The following LIMCH1 variants were observed in gnomAD, a reference collection of about 807,000 sequenced individuals.
The protein encoded by LIMCH1 is LIM and calponin homology domains-containing protein 1.
Under a neutral mutation model 176.5 loss-of-function variants are expected in LIMCH1, and 113 were observed. The ratio of observed to expected loss-of-function variants is 0.64; its 90% CI spans 0.55 to 0.75. LIMCH1 has a LOEUF of 0.75. Among genes scored for constraint, LIMCH1 ranks in the 30% least tolerant of loss-of-function variants. The pLI is 0.00. For missense variants in LIMCH1, 1,674 were observed against 1,814.9 expected (o/e 0.92, Z 1.41); for synonymous variants, 619 against 645.9 (o/e 0.96, Z 0.63).
At chr4:41,606,095 G>C (rs562826388) in intron 4 of LIMCH1, 91 bp downstream of exon 4, 3 of 842,256 alleles carry the variant, frequency 3.6e-6, no homozygotes, top group East Asian at 5.4e-5. Flanking sequence ...AGAGTACTGG[G>C]TTGTGGAATG....
intron 1 of LIMCH1, among the ~76,000 whole-genome samples, chr4:41,462,528 G>C (rs1189348496): frequency 6.6e-6 from 1 of 152,154 alleles, no homozygotes; most frequent in Non-Finnish European, 1.5e-5. Flanking sequence ...GAGAGCACTT[G>C]GCATAGAAAA....
intron 1 of LIMCH1, among the ~76,000 whole-genome samples, chr4:41,553,335 A>C (rs976911171): frequency 6.6e-6 from 1 of 152,180 alleles, no homozygotes; most frequent in Non-Finnish European, 1.5e-5. Flanking sequence ...GTGCTGTGGG[A>C]ACATAGAGGA....
chr4:41,649,313 T>G (rs549358246), intron 17 of LIMCH1, among the ~76,000 whole-genome samples: 4 of 152,104 alleles, frequency 2.6e-5, no homozygotes, highest in Non-Finnish European at 5.9e-5. Context: ...GGCATGAGAA[T>G]TGCTTGAACC....
chr4:41,428,886 C>G (rs1437790043), intron 1 of LIMCH1, among the ~76,000 whole-genome samples: 2 of 152,234 alleles, frequency 1.3e-5, no homozygotes, highest in African/African-American at 4.8e-5. Context: ...CAGTCGCTCA[C>G]TGCTGCCTGA....
At chr4:41,454,756 G>T (rs1235233351) in intron 1 of LIMCH1, among the ~76,000 whole-genome samples, 3 of 152,228 alleles carry the variant, frequency 2.0e-5, no homozygotes, top group African/African-American at 4.8e-5. Flanking sequence ...GAAAGCACTT[G>T]TGAATCTGAT....
At chr4:41,579,318 C>G (rs1278523618) in intron 1 of LIMCH1, among the ~76,000 whole-genome samples, 1 of 152,156 alleles carries the variant, frequency 6.6e-6, no homozygotes, top group Non-Finnish European at 1.5e-5. Context: ...CATAATGTCA[C>G]CACTTCTGAT....
chr4:41,687,594 C>G (rs915804821), intron 28 of LIMCH1, among the ~76,000 whole-genome samples: 22 of 151,900 alleles, frequency 1.4e-4, no homozygotes, highest in Admixed American at 1.4e-3. Flanking sequence ...CTTTTCTGTT[C>G]AGCAATGCCA....
At chr4:41,648,658 G>GGGGTGTGTGTGTGTGTGTGTGT (rs1554153123) in intron 17 of LIMCH1, among the ~76,000 whole-genome samples, 3 of 135,334 alleles carry the variant, frequency 2.2e-5, no homozygotes, top group African/African-American at 8.4e-5. Flanking sequence ...AAGGGGTAGG[G>GGGGTGTGTGTGTGTGTGTGTGT]GTGTGTGTGT....
intron 2 of LIMCH1, among the ~76,000 whole-genome samples, chr4:41,504,760 A>G (rs77384704): frequency 0.038 from 5,841 of 152,290 alleles, 139 homozygotes; most frequent in Middle Eastern, 0.054. Flanking sequence ...TTTTGTTACT[A>G]TCTAAGGACA....
chr4:41,446,440 A>G (rs544181561), intron 1 of LIMCH1, among the ~76,000 whole-genome samples: 89 of 152,344 alleles, frequency 5.8e-4, no homozygotes, highest in African/African-American at 2.0e-3. Flanking sequence ...TACGTAGTTA[A>G]TGGAACCATA....
At chr4:41,677,558 A>C (rs981797233) in intron 23 of LIMCH1, among the ~76,000 whole-genome samples, 2 of 152,238 alleles carry the variant, frequency 1.3e-5, no homozygotes, top group Admixed American at 1.3e-4. Flanking sequence ...TCAAAAGGTA[A>C]CCTAGCAACC....
intron 7 of LIMCH1, among the ~76,000 whole-genome samples, chr4:41,623,927 T>G (rs910979004): frequency 6.6e-5 from 10 of 152,190 alleles, no homozygotes; most frequent in Non-Finnish European, 1.2e-4. Flanking sequence ...AGTTTAATAT[T>G]TATTAGAGTT....
chr4:41,371,394 A>G (rs1176763312), intron 1 of LIMCH1, among the ~76,000 whole-genome samples: 2 of 152,130 alleles, frequency 1.3e-5, no homozygotes, highest in Non-Finnish European at 2.9e-5. Flanking sequence ...AGCCCAATGA[A>G]CCATCATCAG....
rs940800433 is a variant in LIMCH1, at chr4:41,558,125, C to T, written c.-241+19775C>T. 2.6e-5 allele frequency among the ~76,000 whole-genome samples: 4 copies of T among 152,026 alleles called. No homozygotes were observed. The East Asian group carries it at 7.7e-4, about 29-fold the overall frequency. On this transcript the variant is annotated intron_variant, in intron 1 of 31. Coordinates refer to ENST00000503057, the MANE Select transcript of LIMCH1 (RefSeq NM_001330672.2). ...AATAAAGCTGCTCCGTATACATCAGCCCAAGTAGCAGCCACCCATAAACGG... is the reference window on the plus strand; with the variant it reads ...AATAAAGCTGCTCCGTATACATCAGTCCAAGTAGCAGCCACCCATAAACGG...
chr4:41,646,555 C>T lies in LIMCH1; in HGVS notation c.2482C>T (p.Leu828Phe). The T allele has an allele frequency of 6.2e-7, 1 of 1,614,160 alleles. No homozygotes were observed. ...ARSQEEAEGI[L>F]QQYIERFTIS... ...GTCCCAGGAGGAGGCAGAGGGGATCCTTCAACAGTACATTGAGAGGTTCAC... is the reference window on the plus strand; with the variant it reads ...GTCCCAGGAGGAGGCAGAGGGGATCTTTCAACAGTACATTGAGAGGTTCAC... Residue 828 changes from leucine to phenylalanine, a missense_variant, in exon 17 of 32, where the codon CTT (leucine) becomes TTT (phenylalanine). Transcript: ENST00000503057.
At position 41,699,739 on chromosome 4, in the gene LIMCH1, T is replaced by C. The variant is rs2153108763; in HGVS notation, c.*2554T>C. 1 of 152,316 alleles carries C rather than the reference T, an allele frequency of 6.6e-6. No homozygotes were observed. The highest frequency in any genetic ancestry group is 1.9e-4 in the East Asian group (1 of 5,186). The allele number at this position is 152,316 out of a possible 1,614,324, so 9.4% of individuals were successfully genotyped here. A position where few individuals can be genotyped will look rare whatever the true frequency, so the allele number is the denominator to read the frequency against. ...ATAAAAATAATGGGTAACTTTTTGT[T>C]TTTCACTAGCGAACTTCCATGACAT... is the stretch of plus-strand genomic sequence containing the variant. On this transcript the variant is annotated 3_prime_UTR_variant, in exon 32 of 32. Transcript: ENST00000503057.
intron 2 of LIMCH1, among the ~76,000 whole-genome samples, chr4:41,522,737 C>T (rs553547236): frequency 8.5e-5 from 13 of 152,068 alleles, no homozygotes; most frequent in Non-Finnish European, 1.6e-4. Context: ...TGCTACTAAC[C>T]AGCTCTGGGG....
At chr4:41,495,008 T>G (rs1325958645) in intron 2 of LIMCH1, among the ~76,000 whole-genome samples, 1 of 152,230 alleles carries the variant, frequency 6.6e-6, no homozygotes, top group African/African-American at 2.4e-5. Flanking sequence ...TACAACATCT[T>G]AAAACATGCC....
chr4:41,415,672 G>A (rs1229167196), intron 1 of LIMCH1, among the ~76,000 whole-genome samples: 1 of 152,104 alleles, frequency 6.6e-6, no homozygotes, highest in Non-Finnish European at 1.5e-5. Flanking sequence ...TGCTATTTGT[G>A]TACATGTCCA....
Sources: allele counts gnomAD v4.1 joint callset (sites outside exome capture counted in the v4.1 genomes callset), GRCh38; gene constraint gnomAD v4.1.1; transcripts MANE v1.5; gene names NCBI Gene and HGNC (gene_info 2026-07-23, HGNC 2026-07-21).